The following TAFA2 variants were observed in gnomAD, a reference collection of about 807,000 sequenced individuals.
TAFA2 encodes chemokine-like protein TAFA-2.
Under a neutral mutation model 18.8 loss-of-function variants are expected in TAFA2, and 7 were observed. That is an observed-to-expected ratio of 0.37 (90% CI 0.21 to 0.70). TAFA2 has a LOEUF of 0.70. Ranked by LOEUF, TAFA2 falls within the 30% of genes least tolerant of loss-of-function variation. TAFA2 has a pLI of 0.53. For missense variants in TAFA2, 122 were observed against 158.1 expected, an observed-to-expected ratio of 0.77 and a Z score of 1.23; for synonymous variants, 60 against 54.2, an observed-to-expected ratio of 1.11 and a Z score of -0.47.
At chr12:61,714,492 CA>C (rs2120555240) in intron 4 of TAFA2, among the ~76,000 whole-genome samples, 1 of 152,232 alleles carries the variant, frequency 6.6e-6, no homozygotes, top group South Asian at 2.1e-4. Flanking sequence ...TCAAGGCACC[CA>C]CTTATCACAG....
intron 2 of TAFA2, among the ~76,000 whole-genome samples, chr12:61,791,872 A>G (rs1460238902): frequency 6.6e-6 from 1 of 151,716 alleles, no homozygotes; most frequent in East Asian, 1.9e-4. Context: ...CTGGGTACCT[A>G]TCTGTAGAAA....
chr12:61,963,689 A>G (rs1878968426), intron 1 of TAFA2, among the ~76,000 whole-genome samples: 1 of 152,030 alleles, frequency 6.6e-6, no homozygotes, highest in Admixed American at 6.6e-5. Flanking sequence ...ATCCCCATCA[A>G]GCTACCATTG....
chr12:61,922,635 C>G (rs1877103439), intron 1 of TAFA2, among the ~76,000 whole-genome samples: 1 of 152,200 alleles, frequency 6.6e-6, no homozygotes, highest in Non-Finnish European at 1.5e-5. Context: ...GCCAACACCA[C>G]CAGGGCCCTG....
chr12:61,797,987 G>A (rs1871254357), intron 2 of TAFA2, among the ~76,000 whole-genome samples: 1 of 152,124 alleles, frequency 6.6e-6, no homozygotes, highest in African/African-American at 2.4e-5. Flanking sequence ...TAACCACTGT[G>A]TAATGGGCAT....
chr12:62,101,613 C>A (rs1343533540), intron 1 of TAFA2, among the ~76,000 whole-genome samples: 1 of 152,162 alleles, frequency 6.6e-6, no homozygotes, highest in Non-Finnish European at 1.5e-5. Context: ...TAAGAGCAAT[C>A]CATCAGATGG....
At chr12:62,007,647 T>C (rs1565713686) in intron 1 of TAFA2, among the ~76,000 whole-genome samples, 1 of 152,202 alleles carries the variant, frequency 6.6e-6, no homozygotes. Flanking sequence ...AGACCCCATC[T>C]TCTTTCTTTT....
chr12:62,204,441 C>T (rs77090359), intron 1 of TAFA2, among the ~76,000 whole-genome samples: 8,400 of 151,074 alleles, frequency 0.056, 282 homozygotes, highest in African/African-American at 0.086. Flanking sequence ...TTTTCCAATC[C>T]CCTTGTCTCT....
At chr12:62,069,945 T>C (rs759590120) in intron 1 of TAFA2, among the ~76,000 whole-genome samples, 6 of 152,212 alleles carry the variant, frequency 3.9e-5, no homozygotes, top group Non-Finnish European at 8.8e-5. Context: ...TGTTGCAAGG[T>C]GGCCTTACTT....
At chr12:62,129,667 T>C (rs1870604768) in intron 1 of TAFA2, among the ~76,000 whole-genome samples, 1 of 152,042 alleles carries the variant, frequency 6.6e-6, no homozygotes, top group African/African-American at 2.4e-5. Context: ...GTCTCTCAAA[T>C]TCAGAACTAC....
intron 2 of TAFA2, among the ~76,000 whole-genome samples, chr12:61,826,335 C>T (rs1301764152): frequency 1.6e-5 from 2 of 121,682 alleles, no homozygotes; most frequent in East Asian, 4.8e-4. Flanking sequence ...CTAATTAGTT[C>T]ATCTGTGTGT....
chr12:61,737,882 G>A (rs1390626064), intron 4 of TAFA2, among the ~76,000 whole-genome samples: 1 of 151,840 alleles, frequency 6.6e-6, no homozygotes. Flanking sequence ...ACAAAGCATA[G>A]AACAAAGCTT....
chr12:62,157,066 A>G (rs549173080), intron 1 of TAFA2, among the ~76,000 whole-genome samples: 1 of 152,316 alleles, frequency 6.6e-6, no homozygotes, highest in Middle Eastern at 3.4e-3. Context: ...ATAAAATTAA[A>G]CTGTAATTAT....
At chr12:62,164,141 T>G in intron 1 of TAFA2, among the ~76,000 whole-genome samples, 1 of 152,112 alleles carries the variant, frequency 6.6e-6, no homozygotes, top group East Asian at 1.9e-4. Flanking sequence ...TCTGTGCTTA[T>G]GCCATGAATC....
chr12:61,886,242 C>T (rs898474225), intron 1 of TAFA2, among the ~76,000 whole-genome samples: 1 of 152,176 alleles, frequency 6.6e-6, no homozygotes, highest in Non-Finnish European at 1.5e-5. Flanking sequence ...ATGGGAGTTA[C>T]ATCACACTGG....
intron 1 of TAFA2, among the ~76,000 whole-genome samples, chr12:62,183,954 T>C (rs897479781): frequency 3.3e-5 from 5 of 152,178 alleles, no homozygotes; most frequent in Non-Finnish European, 5.9e-5. Context: ...CCATGACCTA[T>C]CACAACTTGT....
intron 1 of TAFA2, among the ~76,000 whole-genome samples, chr12:61,885,960 A>G (rs1302778780): frequency 1.3e-5 from 2 of 152,154 alleles, no homozygotes; most frequent in Admixed American, 6.5e-5. Flanking sequence ...GTCTAAGGGT[A>G]CTATCTTCAC....
chr12:62,165,101 T>C (rs2062429932), intron 1 of TAFA2, among the ~76,000 whole-genome samples: 1 of 152,102 alleles, frequency 6.6e-6, no homozygotes, highest in Non-Finnish European at 1.5e-5. Context: ...ATATAAAACA[T>C]ACAGAGGGCG....
chr12:61,827,868 T>C (rs963895543), intron 2 of TAFA2, among the ~76,000 whole-genome samples: 2 of 151,988 alleles, frequency 1.3e-5, no homozygotes, highest in African/African-American at 4.8e-5. Flanking sequence ...AAATCCTCCA[T>C]GTGTTCAAAA....
intron 2 of TAFA2, among the ~76,000 whole-genome samples, chr12:61,850,578 A>C (rs1873599984): frequency 6.6e-6 from 1 of 152,054 alleles, no homozygotes; most frequent in Admixed American, 6.5e-5. Context: ...GTGACTATAA[A>C]CCCACCAACA....
Sources: allele counts gnomAD v4.1 joint callset (sites outside exome capture counted in the v4.1 genomes callset), GRCh38; gene constraint gnomAD v4.1.1; transcripts MANE v1.5; gene names NCBI Gene and HGNC (gene_info 2026-07-23, HGNC 2026-07-21).